Variants in CNTN1 observed in about 807,000 individuals in gnomAD.
CNTN1 encodes contactin-1.
Under a neutral mutation model 126.4 loss-of-function variants are expected in CNTN1, and 38 were observed. That is an observed-to-expected ratio of 0.30 (90% CI 0.23 to 0.39). The LOEUF (loss-of-function observed/expected upper bound fraction) is 0.39, where lower values mean the gene tolerates loss of function less well. Ranked by LOEUF, CNTN1 falls within the 10% of genes least tolerant of loss-of-function variation. The probability of loss-of-function intolerance (pLI) is 1.00; values close to 1 mark genes in which losing one functional copy is unlikely to be tolerated. For missense variants in CNTN1, 1,009 were observed against 1,248.4 expected (o/e 0.81, Z 2.89); for synonymous variants, 413 against 422.6 (o/e 0.98, Z 0.28).
chr12:40,859,693 G>T (rs989711695), intron 1 of CNTN1, among the ~76,000 whole-genome samples: 1 of 151,976 alleles, frequency 6.6e-6, no homozygotes, highest in Non-Finnish European at 1.5e-5. Flanking sequence ...TGGGGGTCAG[G>T]GCAAGAATTT....
chr12:40,877,954 C>G (rs1943726054), intron 1 of CNTN1, among the ~76,000 whole-genome samples: 1 of 150,552 alleles, frequency 6.6e-6, no homozygotes, highest in Admixed American at 6.6e-5. Flanking sequence ...GCTATCTTCA[C>G]CTCTTCCTTC....
At chr12:40,983,964 C>T (rs1947887677) in intron 16 of CNTN1, among the ~76,000 whole-genome samples, 1 of 145,524 alleles carries the variant, frequency 6.9e-6, no homozygotes, top group Non-Finnish European at 1.5e-5. Context: ...ATATATATTG[C>T]TATAATAGCA....
chr12:40,844,154 GCCT>G (rs954895834), intron 1 of CNTN1, among the ~76,000 whole-genome samples: 30 of 142,766 alleles, frequency 2.1e-4, no homozygotes, highest in African/African-American at 7.8e-4. Flanking sequence ...CGCAACCTCC[GCCT>G]CCAGGGTTCA....
Position 40,815,049 on chromosome 12 carries a change from G to A in CNTN1, c.-76-93308G>A, listed in dbSNP as rs566238998. Among the ~76,000 whole-genome samples, 7 of 152,168 alleles carry A rather than the reference G, an allele frequency of 4.6e-5. No individual in the cohort carries two copies. The East Asian group carries it at 1.2e-3, about 25-fold the overall frequency. On this transcript the variant is annotated intron_variant, in intron 1 of 23. Coordinates refer to ENST00000551295, the MANE Select transcript of CNTN1 (RefSeq NM_001843.4). ...ACAGTGAAAGAGAAACCCAGTTACTGTAGCCTTGTAGTATAGTTTGAAGTC... is the reference window on the plus strand; with the variant it reads ...ACAGTGAAAGAGAAACCCAGTTACTATAGCCTTGTAGTATAGTTTGAAGTC...
chr12:40,867,570 G>A (rs1449029249), intron 1 of CNTN1, among the ~76,000 whole-genome samples: 2 of 152,142 alleles, frequency 1.3e-5, no homozygotes, highest in African/African-American at 2.4e-5. Flanking sequence ...ATTCCACAGT[G>A]TATACATATT....
rs544640511 is a variant in CNTN1, at chr12:40,825,404, T to C, written c.-76-82953T>C. Among the ~76,000 whole-genome samples the C allele has an allele frequency of 2.0e-5, 3 of 152,260 alleles. No individual in the cohort carries two copies. The South Asian group carries it at 6.2e-4, about 32-fold the overall frequency. ...TAGAGATAACAGATTTATACCCAAA[T>C]TGGCTTTGATTTATACCCAAATTTT... On this transcript the variant is annotated intron_variant, in intron 1 of 23. Transcript: ENST00000551295.
chr12:40,975,863 G>A (rs1253965203), intron 15 of CNTN1, among the ~76,000 whole-genome samples: 1 of 152,158 alleles, frequency 6.6e-6, no homozygotes, highest in Non-Finnish European at 1.5e-5. Context: ...GATAGGCTGA[G>A]CACAATTAGT....
intron 14 of CNTN1, among the ~76,000 whole-genome samples, chr12:40,949,162 A>G (rs1361188037): frequency 6.7e-6 from 1 of 148,686 alleles, no homozygotes; most frequent in African/African-American, 2.5e-5. Flanking sequence ...AAGACAAGAA[A>G]AAGGAGAGGA....
In CNTN1 at chr12:40,723,451, A is replaced by G. The variant is rs146775328; in HGVS notation, c.-77+30859A>G. Among the ~76,000 whole-genome samples, 8 of 152,336 alleles carry G rather than the reference A, an allele frequency of 5.3e-5. No homozygotes were observed. In the East Asian group the frequency reaches 1.5e-3, roughly 29 times the overall value. ...CAGATTGAACCTTCAGAATTTTTCC[A>G]GAGAGTGGAGGAAACTGGAACTAAG... On this transcript the variant is annotated intron_variant, in intron 1 of 23. Transcript: ENST00000551295.
intron 23 of CNTN1, among the ~76,000 whole-genome samples, chr12:41,060,262 T>A (rs1949911870): frequency 6.6e-6 from 1 of 152,158 alleles, no homozygotes; most frequent in Non-Finnish European, 1.5e-5. Context: ...TTTCTTTGTA[T>A]GTAAATAAAC....
chr12:40,699,516 AT>A (rs1941542430), intron 1 of CNTN1, among the ~76,000 whole-genome samples: 1 of 152,210 alleles, frequency 6.6e-6, no homozygotes, highest in Non-Finnish European at 1.5e-5. Flanking sequence ...CTTTTAAATA[AT>A]TCTGCATTTT....
intron 15 of CNTN1, chr12:40,971,573 T>C (rs1947513566): frequency 6.5e-7 from 1 of 1,548,818 alleles, no homozygotes; most frequent in Admixed American, 1.9e-5. Context: ...TATACTAGAT[T>C]TGACTAACTC....
intron 17 of CNTN1, among the ~76,000 whole-genome samples, chr12:40,997,456 C>CT (rs929177602): frequency 6.6e-6 from 1 of 151,874 alleles, no homozygotes; most frequent in Non-Finnish European, 1.5e-5. Context: ...CTCATTCTTT[C>CT]TTTTTTCTTT....
At chr12:40,701,653 T>A (rs745321759) in intron 1 of CNTN1, among the ~76,000 whole-genome samples, 22 of 152,198 alleles carry the variant, frequency 1.4e-4, no homozygotes, top group Non-Finnish European at 3.2e-4. Context: ...ATGGATTGAC[T>A]TTATTTTTCT....
rs397957366 is a variant in CNTN1 at position 40,844,069 on chromosome 12, A to ATTTT, written c.-76-64275_-76-64272dup. Reference sequence around the variant, plus strand: ...ATTGAAAAAATTCTTTGGCACAATGATTTTTTTTTTTTTTTTGAGACGGAG... The same window carrying ATTTT: ...ATTGAAAAAATTCTTTGGCACAATGATTTTTTTTTTTTTTTTTTTTGAGACGGAG... On this transcript the variant is annotated intron_variant, in intron 1 of 23. Transcript: ENST00000551295. Among the ~76,000 whole-genome samples the ATTTT allele has an allele frequency of 4.4e-4, 37 of 84,656 alleles. 7 individuals are homozygous for ATTTT. Among genetic ancestry groups the ATTTT allele is most frequent in the East Asian group, 1.4e-3 (3 of 2,082 alleles). The allele number at this position is 84,656 out of a possible 152,430, so 55.5% of individuals were successfully genotyped here. A position where few individuals can be genotyped will look rare whatever the true frequency, so the allele number is the denominator to read the frequency against.
At chr12:40,980,800 T>C (rs1347593245) in intron 15 of CNTN1, 109 bp from the exon 16 acceptor site, 1 of 1,010,416 alleles carries the variant, frequency 9.9e-7, no homozygotes, top group African/African-American at 1.6e-5. Flanking sequence ...ACTGATTATA[T>C]TGGACAAATG....
At position 40,939,452 on chromosome 12, in the gene CNTN1, G is replaced by A. The variant is rs1442860361; in HGVS notation, c.1346G>A (p.Ser449Asn). ...GCACCGAAACCAAAGTTTTCATGGAGTAAAGGGACAGAGTGGCTTGTCAAT... is the reference window on the plus strand; with the variant it reads ...GCACCGAAACCAAAGTTTTCATGGAATAAAGGGACAGAGTGGCTTGTCAAT... Reference protein sequence around the residue: ...KAAPKPKFSWSKGTEWLVNSS... With the variant: ...KAAPKPKFSWNKGTEWLVNSS... Residue 449 changes from serine (S) to asparagine (N), a missense_variant, in exon 12 of 24, where the codon AGT (serine) becomes AAT (asparagine). By Grantham distance (46) the Ser-to-Asn change is conservative (BLOSUM62 1). Coordinates refer to ENST00000551295, the MANE Select transcript of CNTN1 (RefSeq NM_001843.4). The A allele has an allele frequency of 5.6e-6, 9 of 1,613,832 alleles. No homozygotes were observed. Among genetic ancestry groups the A allele is most frequent in the African/African-American group, 2.7e-5 (2 of 74,932 alleles).
At chr12:40,812,357 T>C (rs1941096132) in intron 1 of CNTN1, among the ~76,000 whole-genome samples, 1 of 152,168 alleles carries the variant, frequency 6.6e-6, no homozygotes, top group South Asian at 2.1e-4. Flanking sequence ...ATTCTGCTGC[T>C]GTTGGATGGA....
At chr12:40,819,409 C>G (rs1046337878) in intron 1 of CNTN1, among the ~76,000 whole-genome samples, 9 of 152,068 alleles carry the variant, frequency 5.9e-5, no homozygotes, top group African/African-American at 2.2e-4. Context: ...GTAGGAAAGC[C>G]CCACCCACTG....
Sources: gnomAD v4.1 joint callset for allele counts (sites outside exome capture counted in the v4.1 genomes callset) on GRCh38, gnomAD v4.1.1 for gene constraint, MANE v1.5 for transcripts, NCBI Gene and HGNC (gene_info 2026-07-23, HGNC 2026-07-21) for gene names.